Variants in ZFPM2 observed in about 807,000 individuals in gnomAD.
The protein encoded by ZFPM2 is zinc finger protein ZFPM2.
Under a neutral mutation model 98.6 loss-of-function variants are expected in ZFPM2, and 20 were observed. The ratio of observed to expected loss-of-function variants is 0.20; its 90% CI spans 0.14 to 0.29. ZFPM2 has a LOEUF of 0.29. ZFPM2 is among the 10% of genes least tolerant of loss of function. The pLI, the probability that ZFPM2 is intolerant of heterozygous loss-of-function variation, is 1.00. For missense variants in ZFPM2, 1,310 were observed against 1,388.6 expected (o/e 0.94, Z 0.90); for synonymous variants, 518 against 502.7 (o/e 1.03, Z -0.41).
rs370536240 is a variant in ZFPM2 at position 105,384,408 on chromosome 8, C to T, written c.41-34736C>T. ...AGAGTGTGAGTCACCCTTTCTTCCC[C>T]TCAGTTAATCCCAGGAGGTGGATTA... On this transcript the variant is annotated intron_variant, in intron 1 of 7. Transcript: ENST00000407775. 6.6e-5 allele frequency among the ~76,000 whole-genome samples: 10 copies of T among 152,190 alleles called. No individual in the cohort carries two copies. In the East Asian group the frequency reaches 1.5e-3, roughly 24 times the overall value.
At chr8:105,652,689 C>T (rs145448218) in intron 5 of ZFPM2, among the ~76,000 whole-genome samples, 3 of 151,992 alleles carry the variant, frequency 2.0e-5, no homozygotes, top group East Asian at 1.9e-4. Flanking sequence ...AAGAAATGGA[C>T]GTTTCAGAGG....
At chr8:105,559,973 C>T (rs1335867708) in intron 3 of ZFPM2, among the ~76,000 whole-genome samples, 1 of 151,816 alleles carries the variant, frequency 6.6e-6, no homozygotes, top group African/African-American at 2.4e-5. Flanking sequence ...TTTGGGAAGC[C>T]GAGGAGGGTG....
intron 1 of ZFPM2, chr8:105,418,611 AT>A: frequency 1.9e-6 from 1 of 518,568 alleles, no homozygotes; most frequent in South Asian, 1.4e-5. Flanking sequence ...GAAATATGTA[AT>A]TTTTCTTCAA....
chr8:105,526,878 G>A (rs993614193), intron 3 of ZFPM2, among the ~76,000 whole-genome samples: 3 of 151,994 alleles, frequency 2.0e-5, no homozygotes, highest in African/African-American at 7.3e-5. Context: ...CTCTCTTCTT[G>A]TAACATGGGT....
At chr8:105,732,809 C>T (rs1292203819) in intron 5 of ZFPM2, among the ~76,000 whole-genome samples, 5 of 151,772 alleles carry the variant, frequency 3.3e-5, no homozygotes, top group South Asian at 2.1e-4. Flanking sequence ...TATGATTAAA[C>T]GTTTATGGAG....
chr8:105,592,264 G>C (rs1051556708), intron 4 of ZFPM2, among the ~76,000 whole-genome samples: 5 of 151,830 alleles, frequency 3.3e-5, no homozygotes, highest in African/African-American at 4.8e-5. Context: ...GTTTTCAAAG[G>C]GTTGTCTGAA....
intron 5 of ZFPM2, among the ~76,000 whole-genome samples, chr8:105,636,722 A>G (rs745895508): frequency 2.6e-5 from 4 of 152,168 alleles, no homozygotes; most frequent in Non-Finnish European, 5.9e-5. Flanking sequence ...GTTGCCAGAC[A>G]CTGAAATAGA....
chr8:105,656,752 T>G (rs1308785438), intron 5 of ZFPM2, among the ~76,000 whole-genome samples: 1 of 152,220 alleles, frequency 6.6e-6, no homozygotes, highest in African/African-American at 2.4e-5. Context: ...CTAACAGAAC[T>G]TTAGAAAAGA....
At chr8:105,406,205 ATT>A (rs1300663517) in intron 1 of ZFPM2, among the ~76,000 whole-genome samples, 1 of 151,636 alleles carries the variant, frequency 6.6e-6, no homozygotes, top group Non-Finnish European at 1.5e-5. Flanking sequence ...GGTTGCAAAA[ATT>A]TTCTCCCATT....
intron 1 of ZFPM2, among the ~76,000 whole-genome samples, chr8:105,325,112 A>G (rs1812091458): frequency 1.3e-5 from 2 of 151,974 alleles, no homozygotes; most frequent in South Asian, 4.1e-4. Context: ...ACCCGGTCTA[A>G]TTCAACACCT....
At chr8:105,668,478 CA>C (rs1195354935) in intron 5 of ZFPM2, among the ~76,000 whole-genome samples, 2 of 151,806 alleles carry the variant, frequency 1.3e-5, no homozygotes, top group East Asian at 3.9e-4. Flanking sequence ...GTACTTCAGG[CA>C]GTAGAAGTAT....
intron 5 of ZFPM2, among the ~76,000 whole-genome samples, chr8:105,781,313 A>G (rs1349719307): frequency 6.6e-6 from 1 of 152,180 alleles, no homozygotes; most frequent in Non-Finnish European, 1.5e-5. Flanking sequence ...CTGCATTTGT[A>G]TTTTATATTA....
intron 1 of ZFPM2, among the ~76,000 whole-genome samples, chr8:105,405,915 A>G (rs903287200): frequency 6.6e-5 from 10 of 152,046 alleles, no homozygotes; most frequent in African/African-American, 2.4e-4. Context: ...AAGTGTTCCT[A>G]TTTCTCCACA....
chr8:105,348,788 G>C (rs189452398), intron 1 of ZFPM2, among the ~76,000 whole-genome samples: 12 of 152,180 alleles, frequency 7.9e-5, no homozygotes, highest in Admixed American at 2.0e-4. Context: ...TTTGTAATTA[G>C]AGAAAAAGAC....
intron 3 of ZFPM2, among the ~76,000 whole-genome samples, chr8:105,560,939 T>C (rs1815121418): frequency 6.6e-6 from 1 of 152,146 alleles, no homozygotes; most frequent in Non-Finnish European, 1.5e-5. Flanking sequence ...TTTCAGAAAA[T>C]TACCAAGTAC....
chr8:105,534,275 T>TTTCC (rs1276150749), intron 3 of ZFPM2, among the ~76,000 whole-genome samples: 2 of 23,736 alleles, frequency 8.4e-5, no homozygotes, highest in African/African-American at 6.2e-4. Flanking sequence ...TCCTTCCTTC[T>TTTCC]TTCCCTCCCT....
At chr8:105,333,463 G>C (rs1234684229) in intron 1 of ZFPM2, among the ~76,000 whole-genome samples, 2 of 151,706 alleles carry the variant, frequency 1.3e-5, no homozygotes, top group East Asian at 3.9e-4. Flanking sequence ...GCTGCCTATC[G>C]AGAGGCAAAA....
At chr8:105,721,844 G>A (rs1294830705) in intron 5 of ZFPM2, among the ~76,000 whole-genome samples, 1 of 151,904 alleles carries the variant, frequency 6.6e-6, no homozygotes. Flanking sequence ...ATGAGGCATG[G>A]CTGGTTGCAC....
chr8:105,500,243 T>C (rs1813563423), intron 3 of ZFPM2, among the ~76,000 whole-genome samples: 1 of 152,210 alleles, frequency 6.6e-6, no homozygotes, highest in Non-Finnish European at 1.5e-5. Flanking sequence ...CTGACTAGCA[T>C]GCTAAATATC....
Sources: allele counts gnomAD v4.1 joint callset (sites outside exome capture counted in the v4.1 genomes callset), GRCh38; gene constraint gnomAD v4.1.1; transcripts MANE v1.5; gene names NCBI Gene and HGNC (gene_info 2026-07-23, HGNC 2026-07-21).